Variants in FHIT observed in about 807,000 individuals in gnomAD.
FHIT encodes the protein bis(5'-adenosyl)-triphosphatase.
FHIT carries 19 observed loss-of-function variants against 17.9 expected under a neutral mutation model. That is an observed-to-expected ratio of 1.06 (90% CI 0.74 to 1.56). The LOEUF is 1.56. Ranked by LOEUF, FHIT falls within the 40% of genes most tolerant of loss-of-function variation. The pLI is 0.00. For synonymous variants in FHIT, 81 were observed against 69.7 expected, an observed-to-expected ratio of 1.16 and a Z score of -0.81; for missense variants, 248 against 189.2, an observed-to-expected ratio of 1.31 and a Z score of -1.82.
At chr3:60,324,026 TTGAAA>T (rs1282272734) in intron 5 of FHIT, among the ~76,000 whole-genome samples, 2 of 152,084 alleles carry the variant, frequency 1.3e-5, no homozygotes, top group African/African-American at 4.8e-5. Flanking sequence ...GAATCCTTTG[TTGAAA>T]TGAAATCTTA....
chr3:61,125,557 T>C (rs1214907478), intron 2 of FHIT, among the ~76,000 whole-genome samples: 1 of 152,218 alleles, frequency 6.6e-6, no homozygotes, highest in Non-Finnish European at 1.5e-5. Flanking sequence ...CCCAGAAACT[T>C]TGCAAATCAA....
At chr3:60,964,885 T>C (rs569271161) in intron 3 of FHIT, among the ~76,000 whole-genome samples, 3 of 152,324 alleles carry the variant, frequency 2.0e-5, no homozygotes, top group Admixed American at 2.0e-4. Context: ...ATTTCAACTT[T>C]GGTGAATCTG....
intron 7 of FHIT, among the ~76,000 whole-genome samples, chr3:59,932,420 T>C (rs1323697089): frequency 6.6e-6 from 1 of 152,202 alleles, no homozygotes; most frequent in East Asian, 1.9e-4. Flanking sequence ...GTCTAGCATT[T>C]GTCTTTGTAA....
At chr3:60,308,500 A>G (rs1363414945) in intron 5 of FHIT, among the ~76,000 whole-genome samples, 300 of 15,126 alleles carry the variant, frequency 0.02, 1 homozygote, top group African/African-American at 0.089. Context: ...GTATGTGTAT[A>G]TATATATATA....
chr3:59,765,621 C>G (rs1701754596), intron 8 of FHIT, among the ~76,000 whole-genome samples: 2 of 152,204 alleles, frequency 1.3e-5, no homozygotes, highest in Admixed American at 1.3e-4. Context: ...TATGGACTCC[C>G]AGGATTGCTC....
intron 8 of FHIT, among the ~76,000 whole-genome samples, chr3:59,914,220 G>C (rs1033030408): frequency 6.6e-6 from 1 of 151,696 alleles, no homozygotes; most frequent in Admixed American, 6.6e-5. Context: ...TTGGTAGAAG[G>C]CTTTGAAATC....
At chr3:60,707,652 A>G (rs550826252) in intron 4 of FHIT, among the ~76,000 whole-genome samples, 3 of 152,324 alleles carry the variant, frequency 2.0e-5, no homozygotes, top group Non-Finnish European at 2.9e-5. Flanking sequence ...GGAAGTGCCA[A>G]TTACTGTTCT....
In FHIT at chr3:61,164,886, G is replaced by A. The variant is rs2037792219; in HGVS notation, c.-164+35731C>T. ...ACATTTAGCTCCCACTTACAAGTAA[G>A]AACATTTGGTTTTCTGTTCCTGCAT... On this transcript the variant is annotated intron_variant, in intron 2 of 9. Coordinates refer to ENST00000492590, the MANE Select transcript of FHIT (RefSeq NM_002012.4). Among the ~76,000 whole-genome samples the A allele has an allele frequency of 2.0e-5, 3 of 152,124 alleles. No individual in the cohort carries two copies. In the South Asian group the frequency reaches 6.2e-4, roughly 32 times the overall value.
chr3:60,955,597 C>CATATATATATATATATAT (rs201555469), intron 3 of FHIT, among the ~76,000 whole-genome samples: 18 of 77,684 alleles, frequency 2.3e-4, no homozygotes, highest in African/African-American at 8.4e-4. Context: ...CATATATATA[C>CATATATATATATATATAT]ATATATATAT....
chr3:60,356,334 G>A (rs772320028), intron 5 of FHIT, among the ~76,000 whole-genome samples: 2 of 152,040 alleles, frequency 1.3e-5, no homozygotes, highest in Admixed American at 6.6e-5. Context: ...CAAGTTCAAG[G>A]CTCCTGAGCA....
intron 5 of FHIT, among the ~76,000 whole-genome samples, chr3:60,249,100 A>G (rs1705552565): frequency 6.6e-6 from 1 of 152,136 alleles, no homozygotes; most frequent in Admixed American, 6.6e-5. Flanking sequence ...TCTATTAAGT[A>G]TATTTGCATG....
intron 5 of FHIT, among the ~76,000 whole-genome samples, chr3:60,063,596 A>G (rs901119416): frequency 6.6e-6 from 1 of 152,200 alleles, no homozygotes; most frequent in Non-Finnish European, 1.5e-5. Flanking sequence ...AATTAAATTA[A>G]AAGAAAGGAA....
chr3:61,191,914 G>C (rs575796253), intron 2 of FHIT, among the ~76,000 whole-genome samples: 1 of 152,148 alleles, frequency 6.6e-6, no homozygotes, highest in Admixed American at 6.5e-5. Flanking sequence ...CCCATTCCGC[G>C]TGCCAGTGTC....
At chr3:60,403,603 T>C (rs1023536644) in intron 5 of FHIT, among the ~76,000 whole-genome samples, 2 of 152,140 alleles carry the variant, frequency 1.3e-5, no homozygotes, top group African/African-American at 2.4e-5. Context: ...CTTGCTTAAT[T>C]ATAGGTCATT....
intron 2 of FHIT, among the ~76,000 whole-genome samples, chr3:61,195,876 G>A (rs775037370): frequency 3.3e-5 from 5 of 152,100 alleles, no homozygotes; most frequent in Non-Finnish European, 1.5e-5. Context: ...ACCTTATAAG[G>A]TAGATGCCTA....
intron 5 of FHIT, among the ~76,000 whole-genome samples, chr3:60,320,502 C>T (rs202236795): frequency 4.3e-4 from 65 of 152,092 alleles, no homozygotes; most frequent in South Asian, 4.1e-4. Context: ...ACAGCTGTAA[C>T]GCTAAACATA....
intron 8 of FHIT, among the ~76,000 whole-genome samples, chr3:59,876,684 T>A (rs542870640): frequency 1.0e-3 from 154 of 152,152 alleles, no homozygotes; most frequent in African/African-American, 3.6e-3. Context: ...GGGGTAAGAG[T>A]AGTAACATGT....
chr3:59,932,893 T>C (rs545251099), intron 7 of FHIT, among the ~76,000 whole-genome samples: 4 of 152,036 alleles, frequency 2.6e-5, no homozygotes, highest in Non-Finnish European at 5.9e-5. Context: ...CATTCTCCTA[T>C]CTCTAATTTT....
At chr3:61,239,596 T>A (rs2040317483) in intron 1 of FHIT, among the ~76,000 whole-genome samples, 2 of 151,934 alleles carry the variant, frequency 1.3e-5, no homozygotes, top group Admixed American at 6.6e-5. Context: ...CATATTATTA[T>A]TACAGGTGTT....
Sources: allele counts gnomAD v4.1 joint callset (sites outside exome capture counted in the v4.1 genomes callset), GRCh38; gene constraint gnomAD v4.1.1; transcripts MANE v1.5; gene names NCBI Gene and HGNC (gene_info 2026-07-23, HGNC 2026-07-21).